Variants in KIFC3 observed in about 807,000 individuals in gnomAD.
KIFC3 encodes the protein kinesin-like protein KIFC3.
Under a neutral mutation model 101.8 loss-of-function variants are expected in KIFC3, and 60 were observed. That is an observed-to-expected ratio of 0.59 (90% CI 0.48 to 0.73). The LOEUF (loss-of-function observed/expected upper bound fraction) is 0.73. Ranked by LOEUF, KIFC3 falls within the 30% of genes least tolerant of loss-of-function variation. The pLI is 0.00. For synonymous variants in KIFC3, 476 were observed against 482.7 expected (o/e 0.99, Z 0.18); for missense variants, 966 against 1,137.1 (o/e 0.85, Z 2.16).
At chr16:57,759,623 A>G in intron 18 of KIFC3, 105 bp downstream of exon 18, 1 of 845,280 alleles carries the variant, frequency 1.2e-6, no homozygotes, top group Non-Finnish European at 1.8e-6. Flanking sequence ...AAGGTGTAAG[A>G]ACTTTTTAAA....
intron 1 of KIFC3, among the ~76,000 whole-genome samples, chr16:57,847,939 C>A (rs1368378819): frequency 6.6e-6 from 1 of 151,884 alleles, no homozygotes; most frequent in Non-Finnish European, 1.5e-5. Context: ...GCGCACCCCA[C>A]CACATCTGGC....
intron 1 of KIFC3, among the ~76,000 whole-genome samples, chr16:57,842,183 G>C (rs906754898): frequency 6.6e-6 from 1 of 152,042 alleles, no homozygotes; most frequent in Non-Finnish European, 1.5e-5. Context: ...CTGGGCAACA[G>C]AGCGAGACTC....
chr16:57,807,949 A>C (rs898289992), upstream of KIFC3: 9 of 144,402 alleles, frequency 6.2e-5, no homozygotes, highest in African/African-American at 2.6e-4. Context: ...AAAAAAAAAA[A>C]AAAAAAAAAA....
Position 57,844,595 on chromosome 16 carries a change from G to A in KIFC3, c.108+18134C>T, listed in dbSNP as rs375706597. 6.6e-5 allele frequency among the ~76,000 whole-genome samples: 10 copies of A among 152,192 alleles called. No individual in the cohort carries two copies. The East Asian group carries it at 9.7e-4, about 15-fold the overall frequency. On this transcript the variant is annotated intron_variant, in intron 1 of 2. Coordinates refer to the KIFC3 transcript ENST00000563028. ...TCTTTGTTGGAGGTGCTGGAGCTGC[G>A]CCAGTGCCAGCCGGGGGCCTCCTCC... is the stretch of plus-strand genomic sequence containing the variant.
At chr16:57,762,055 C>T in intron 13 of KIFC3, 85 bp downstream of exon 13, 1 of 1,464,006 alleles carries the variant, frequency 6.8e-7, no homozygotes, top group African/African-American at 1.4e-5. Flanking sequence ...ACTGGGGGTC[C>T]CACCTGAGGA....
chr16:57,775,743 T>G (rs577348840), intron 3 of KIFC3: 2 of 985,634 alleles, frequency 2.0e-6, no homozygotes, highest in Admixed American at 1.2e-4. Flanking sequence ...AGCAGGCACA[T>G]GCCTGAGCCC....
At chr16:57,828,360 G>A (rs549322487) in intron 1 of KIFC3, among the ~76,000 whole-genome samples, 11 of 152,376 alleles carry the variant, frequency 7.2e-5, no homozygotes, top group Non-Finnish European at 7.3e-5. Flanking sequence ...AGGCTGTGCC[G>A]CCATTGAAAC....
chr16:57,793,103 A>G lies in KIFC3; in HGVS notation c.315+1896T>C, dbSNP rs868961933. Among the ~76,000 whole-genome samples, 5 of 150,798 alleles carry G rather than the reference A, an allele frequency of 3.3e-5. No homozygotes were observed. In the South Asian group the frequency reaches 8.4e-4, roughly 25 times the overall value. Reference sequence around the variant, plus strand: ...GGAGTTCAAGACCAGCCTGGCCAACATGGTGAAACCCCATCTCTACTAAAA... The same window carrying G: ...GGAGTTCAAGACCAGCCTGGCCAACGTGGTGAAACCCCATCTCTACTAAAA... On this transcript the variant is annotated intron_variant, in intron 3 of 19. Transcript: ENST00000445690.
At chr16:57,761,623 C>T (rs2049867795) in intron 13 of KIFC3, 87 bp from the exon 14 acceptor site, 2 of 1,506,784 alleles carry the variant, frequency 1.3e-6, no homozygotes, top group Non-Finnish European at 1.8e-6. Context: ...AGGAATGTTC[C>T]CCCAACCCAG....
intron 3 of KIFC3, chr16:57,785,338 A>T: frequency 2.6e-6 from 1 of 390,360 alleles, no homozygotes; most frequent in African/African-American, 2.2e-5. Context: ...AGCGTATTCC[A>T]GGAAACGAGA....
At chr16:57,816,144 C>T (rs1194521484) in intron 1 of KIFC3, 4 of 1,199,608 alleles carry the variant, frequency 3.3e-6, no homozygotes, top group Non-Finnish European at 4.3e-6. Flanking sequence ...GCTACCTGAG[C>T]TGCTGGGGAG....
intron 1 of KIFC3, among the ~76,000 whole-genome samples, chr16:57,855,958 A>C (rs1160205370): frequency 6.6e-6 from 1 of 151,676 alleles, no homozygotes; most frequent in East Asian, 1.9e-4. Context: ...AAAAAAAAAA[A>C]AACCAAAAAC....
At chr16:57,831,560 T>G (rs2055581057) in intron 1 of KIFC3, among the ~76,000 whole-genome samples, 1 of 152,126 alleles carries the variant, frequency 6.6e-6, no homozygotes, top group Non-Finnish European at 1.5e-5. Context: ...CATGGTGGTG[T>G]GTGCCTGTAG....
intron 1 of KIFC3, among the ~76,000 whole-genome samples, chr16:57,850,155 CT>C: frequency 6.6e-6 from 1 of 152,034 alleles, no homozygotes; most frequent in East Asian, 1.9e-4. Context: ...ATCTTAACAC[CT>C]TGAGAGACTG....
intron 1 of KIFC3, among the ~76,000 whole-genome samples, chr16:57,832,024 G>T (rs1307092113): frequency 6.8e-6 from 1 of 146,624 alleles, no homozygotes; most frequent in Non-Finnish European, 1.5e-5. Context: ...GTTTTGTTTT[G>T]TTTTTGTTTT....
chr16:57,760,553 G>A, intron 16 of KIFC3, 137 bp from the exon 17 acceptor site: 1 of 1,169,340 alleles, frequency 8.6e-7, no homozygotes, highest in Non-Finnish European at 1.2e-6. Context: ...CAGGCAACAT[G>A]GCAGAGGTGC....
At chr16:57,803,574 C>G (rs556415488), upstream of KIFC3, among the ~76,000 whole-genome samples, 106 of 152,346 alleles carry the variant, frequency 7.0e-4, no homozygotes, top group African/African-American at 2.1e-3. Flanking sequence ...CTCCTGCTGC[C>G]GCCCAGGCGC....
intron 1 of KIFC3, among the ~76,000 whole-genome samples, chr16:57,811,315 A>G (rs2055067957): frequency 6.6e-6 from 1 of 152,208 alleles, no homozygotes; most frequent in African/African-American, 2.4e-5. Context: ...ACTAAAAACT[A>G]TTGGATTGTA....
chr16:57,789,989 G>A (rs1262004678), intron 3 of KIFC3, among the ~76,000 whole-genome samples: 2 of 151,120 alleles, frequency 1.3e-5, no homozygotes, highest in Middle Eastern at 3.4e-3. Flanking sequence ...CACCTGCCTC[G>A]ACCTCTCAAA....
Sources: allele counts gnomAD v4.1 joint callset (sites outside exome capture counted in the v4.1 genomes callset), GRCh38; gene constraint gnomAD v4.1.1; transcripts MANE v1.5; gene names NCBI Gene and HGNC (gene_info 2026-07-23, HGNC 2026-07-21).